ALDH1L1: variants seen among roughly 807,000 people sequenced by gnomAD.
ALDH1L1 encodes the protein aldehyde dehydrogenase 1 family member L1, also known as cytosolic 10-formyltetrahydrofolate dehydrogenase.
ALDH1L1 carries 68 observed loss-of-function variants against 101.1 expected under a neutral mutation model. That is an observed-to-expected ratio of 0.67 (90% confidence interval 0.55 to 0.82). The LOEUF (loss-of-function observed/expected upper bound fraction) is 0.82, where lower values mean the gene tolerates loss of function less well. Among genes scored for constraint, ALDH1L1 ranks in the 40% least tolerant of loss-of-function variants. The pLI is 0.00. For synonymous variants in ALDH1L1, 486 were observed against 470.8 expected, an observed-to-expected ratio of 1.03 and a Z score of -0.42; for missense variants, 1,087 against 1,172.7, an observed-to-expected ratio of 0.93 and a Z score of 1.07.
chr3:126,155,529 C>A, intron 4 of ALDH1L1, 26 bp from the exon 5 acceptor site: 1 of 1,595,248 alleles, frequency 6.3e-7, no homozygotes, highest in East Asian at 2.3e-5. Flanking sequence ...GGGTTGCTAT[C>A]CCCAGCAATA....
At chr3:126,171,213 G>T (rs1010399927) in intron 1 of ALDH1L1, among the ~76,000 whole-genome samples, 3 of 152,162 alleles carry the variant, frequency 2.0e-5, no homozygotes, top group Non-Finnish European at 2.9e-5. Context: ...CAGGAAAATC[G>T]CTTGAACCTG....
rs548689370 is a variant in ALDH1L1 at position 126,118,347 on chromosome 3, G to A, written c.1889-249C>T. On this transcript the variant is annotated intron_variant, in intron 16 of 22. Transcript: ENST00000393434. ...TCTGAATGGGACTGTGTTTGGAGAT[G>A]TGGCCTTTACATAGGTGATTAAGGC... Among the ~76,000 whole-genome samples the A allele has an allele frequency of 1.1e-4, 17 of 152,300 alleles. No individual in the cohort carries two copies. The South Asian group carries it at 2.1e-3, about 19-fold the overall frequency.
chr3:126,161,027 T>C lies in ALDH1L1; in HGVS notation c.-23-25A>G, dbSNP rs754761483. ...CCTGGAGAAGGAATAAGGCAGCAAT[T>C]AGACAGAGATCGCTGGTCTCAGAGA... On this transcript the variant is annotated intron_variant, in intron 1 of 22. Transcript: ENST00000393434. 3 of 1,611,716 alleles carry C rather than the reference T, an allele frequency of 1.9e-6. No individual in the cohort carries two copies. The East Asian group carries it at 6.7e-5, about 36-fold the overall frequency.
At chr3:126,122,180 T>C (rs1576426147) in intron 16 of ALDH1L1, among the ~76,000 whole-genome samples, 2 of 152,170 alleles carry the variant, frequency 1.3e-5, no homozygotes, top group Non-Finnish European at 2.9e-5. Flanking sequence ...TTACAGGAAA[T>C]ACTAAAAGAA....
chr3:126,121,536 A>G (rs1211083876), intron 16 of ALDH1L1, among the ~76,000 whole-genome samples: 1 of 152,232 alleles, frequency 6.6e-6, no homozygotes, highest in African/African-American at 2.4e-5. Context: ...AAAAGGCATG[A>G]GGCAGGAGTG....
At chr3:126,135,462 C>T (rs112318883) in intron 12 of ALDH1L1, 73 bp downstream of exon 12, 1 of 1,552,498 alleles carries the variant, frequency 6.4e-7, no homozygotes, top group East Asian at 2.4e-5. Context: ...AGGGCCTCCA[C>T]AGAAGTCCCC....
chr3:126,181,975 A>G (rs577190412), upstream of ALDH1L1, among the ~76,000 whole-genome samples: 8 of 152,234 alleles, frequency 5.3e-5, no homozygotes, highest in South Asian at 1.0e-3. Context: ...TAAAGTTTCC[A>G]TGTGCCGTTC....
At chr3:126,156,630 T>G (rs534659061) in intron 4 of ALDH1L1, 11 of 152,454 alleles carry the variant, frequency 7.2e-5, no homozygotes, top group African/African-American at 2.6e-4. Context: ...GCCCATAGCC[T>G]GCCACCCTGC....
intron 1 of ALDH1L1, among the ~76,000 whole-genome samples, chr3:126,192,446 G>A (rs2081558383): frequency 6.6e-6 from 1 of 152,134 alleles, no homozygotes; most frequent in South Asian, 2.1e-4. Context: ...ATAAACATTT[G>A]GGTATTTTAG....
At chr3:126,135,411 C>T (rs754574563) in intron 12 of ALDH1L1, 124 bp downstream of exon 12, 54 of 1,380,944 alleles carry the variant, frequency 3.9e-5, no homozygotes, top group Non-Finnish European at 5.1e-5. Context: ...TGGCCTCGGT[C>T]CCATAGCCTC....
At chr3:126,168,128 G>A (rs79709419) in intron 1 of ALDH1L1, among the ~76,000 whole-genome samples, 10,189 of 152,132 alleles carry the variant, frequency 0.067, 485 homozygotes, top group East Asian at 0.19. Context: ...ATAAAATAAA[G>A]TGAAAGGTTT....
At chr3:126,192,257 G>A (rs2108354783) in intron 1 of ALDH1L1, among the ~76,000 whole-genome samples, 1 of 152,254 alleles carries the variant, frequency 6.6e-6, no homozygotes, top group Middle Eastern at 3.4e-3. Flanking sequence ...ATATTACAAG[G>A]ACTGATACAT....
chr3:126,119,223 C>A lies in ALDH1L1; in HGVS notation c.1889-1125G>T, dbSNP rs577557328. Among the ~76,000 whole-genome samples, 115 of 152,332 alleles carry A rather than the reference C, an allele frequency of 7.5e-4. 1 individual carries two copies. The South Asian group carries it at 0.021, about 28-fold the overall frequency. On this transcript the variant is annotated intron_variant, in intron 16 of 22. Transcript: ENST00000393434. Reference sequence around the variant, plus strand: ...GGCCATCTTCAGGTATGTCACCCCCCAACCAAATCGGCCTCTCCAGCCAAA... The same window carrying A: ...GGCCATCTTCAGGTATGTCACCCCCAAACCAAATCGGCCTCTCCAGCCAAA...
chr3:126,119,437 G>T (rs547853671), intron 16 of ALDH1L1, among the ~76,000 whole-genome samples: 3 of 152,288 alleles, frequency 2.0e-5, no homozygotes, highest in South Asian at 4.1e-4. Context: ...TTCAATCCAA[G>T]AACCCAAGAG....
At chr3:126,196,306 T>A (rs62263389) in intron 1 of ALDH1L1, among the ~76,000 whole-genome samples, 14,271 of 151,722 alleles carry the variant, frequency 0.094, 839 homozygotes, top group Non-Finnish European at 0.13. Context: ...TTTGGTCTGG[T>A]CTAAAGAACA....
chr3:126,166,729 C>T (rs1392730339), intron 1 of ALDH1L1, among the ~76,000 whole-genome samples: 1 of 151,874 alleles, frequency 6.6e-6, no homozygotes, highest in Non-Finnish European at 1.5e-5. Context: ...TTCACTCATA[C>T]CCACTGGGAA....
Position 126,118,039 on chromosome 3 carries a change from C to T in ALDH1L1, c.1948G>A (p.Gly650Ser). ...ATGTGCTTGCCCACCTCTGTGGAGC[C>T]TGTGAACCCGATTTTCCTCACATCA... ...HPDVRKIGFT[G>S]STEVGKHIMK... is the part of the protein sequence containing the mutation. Residue 650 changes from glycine (G) to serine (S), a missense_variant, in exon 17 of 23, where the codon GGC becomes AGC. Gly to Ser is a moderately conservative substitution (Grantham distance 56). This residue lies in a region of ALDH1L1 where 442 missense variants were observed against 535.7 expected (regional missense o/e 0.83). Transcript: ENST00000393434. The T allele has an allele frequency of 6.2e-7, 1 of 1,614,064 alleles. No individual in the cohort carries two copies. The highest frequency in any genetic ancestry group is 1.1e-5 in the South Asian group (1 of 91,054).
upstream of ALDH1L1, among the ~76,000 whole-genome samples, chr3:126,182,739 G>T (rs2081487902): frequency 6.6e-6 from 1 of 152,152 alleles, no homozygotes; most frequent in South Asian, 2.1e-4. Flanking sequence ...GATGTATTAG[G>T]AAATCAGAGA....
At chr3:126,177,572 G>T (rs112144475) in intron 1 of ALDH1L1, among the ~76,000 whole-genome samples, 1 of 152,136 alleles carries the variant, frequency 6.6e-6, no homozygotes, top group African/African-American at 2.4e-5. Flanking sequence ...GGGGTGGATG[G>T]GTAGAGCACA....
Sources: allele counts gnomAD v4.1 joint callset (sites outside exome capture counted in the v4.1 genomes callset), GRCh38; gene constraint gnomAD v4.1.1; regional missense constraint gnomAD v4.1.1; transcripts MANE v1.5; gene names NCBI Gene and HGNC (gene_info 2026-07-23, HGNC 2026-07-21).